DIS3L2: variants seen among roughly 807,000 people sequenced by gnomAD.
DIS3L2 encodes DIS3 like 3'-5' exoribonuclease 2.
DIS3L2 carries 34 observed loss-of-function variants against 97.5 expected under a neutral mutation model. That is an observed-to-expected ratio of 0.35 (90% CI 0.27 to 0.46). The LOEUF is 0.46. DIS3L2 is among the 20% of genes least tolerant of loss of function. The pLI is 1.00. For missense variants in DIS3L2, 1,038 were observed against 1,146.0 expected (o/e 0.91, Z 1.36); for synonymous variants, 435 against 445.2 (o/e 0.98, Z 0.29).
intron 6 of DIS3L2, among the ~76,000 whole-genome samples, chr2:232,095,067 G>T (rs555588299): frequency 6.6e-6 from 1 of 152,030 alleles, no homozygotes; most frequent in Non-Finnish European, 1.5e-5. Flanking sequence ...TGTGTTTCTG[G>T]TAGGCAGCAG....
At chr2:232,168,002 T>C (rs913268213) in intron 9 of DIS3L2, among the ~76,000 whole-genome samples, 5 of 152,080 alleles carry the variant, frequency 3.3e-5, no homozygotes, top group African/African-American at 1.2e-4. Context: ...GAGCCGAGAT[T>C]GTGCCACTGA....
At chr2:232,224,027 C>T (rs889516524) in intron 10 of DIS3L2, among the ~76,000 whole-genome samples, 3 of 152,158 alleles carry the variant, frequency 2.0e-5, no homozygotes, top group Non-Finnish European at 2.9e-5. Context: ...GATGTCAAGG[C>T]TGCGGTGAGC....
intron 6 of DIS3L2, among the ~76,000 whole-genome samples, chr2:232,106,127 C>T (rs1053353758): frequency 6.6e-6 from 1 of 152,100 alleles, no homozygotes; most frequent in African/African-American, 2.4e-5. Flanking sequence ...TGTTACTTTC[C>T]AGATCAGTCC....
intron 1 of DIS3L2, among the ~76,000 whole-genome samples, chr2:232,004,266 T>G (rs946414092): frequency 6.6e-6 from 1 of 152,084 alleles, no homozygotes; most frequent in Non-Finnish European, 1.5e-5. Context: ...AAAGACGGGG[T>G]TTCACCATGT....
In DIS3L2 at chr2:232,270,418, T is replaced by C. The variant is rs76335112; in HGVS notation, c.1659+6978T>C. On this transcript the variant is annotated intron_variant, in intron 13 of 20. Coordinates refer to ENST00000325385, the MANE Select transcript of DIS3L2 (RefSeq NM_152383.5). ...ATATGTATAGTTTTTATTTATATTCTGCTCTTAAATATTACCTAATGAGTT... is the reference window on the plus strand; with the variant it reads ...ATATGTATAGTTTTTATTTATATTCCGCTCTTAAATATTACCTAATGAGTT... Among the ~76,000 whole-genome samples, 1,032 of 152,324 alleles carry C rather than the reference T, an allele frequency of 6.8e-3. 17 individuals carry two copies. Among genetic ancestry groups the C allele is most frequent in the African/African-American group, 0.023 (972 of 41,560 alleles).
At chr2:232,334,898 G>T in intron 19 of DIS3L2, 163 bp downstream of exon 19, 1 of 619,838 alleles carries the variant, frequency 1.6e-6, no homozygotes, top group Non-Finnish European at 2.8e-6. Context: ...TCCCACCTGG[G>T]ATGGTGGCTC....
chr2:232,270,096 T>G (rs770076313), intron 13 of DIS3L2, among the ~76,000 whole-genome samples: 2 of 152,066 alleles, frequency 1.3e-5, no homozygotes, highest in Non-Finnish European at 2.9e-5. Context: ...GTTTCCAGTT[T>G]AGGCACATGG....
intron 10 of DIS3L2, among the ~76,000 whole-genome samples, chr2:232,222,283 A>G (rs1692527215): frequency 6.6e-6 from 1 of 151,896 alleles, no homozygotes; most frequent in Non-Finnish European, 1.5e-5. Context: ...AATGCTGAAT[A>G]TTTTCCTCTT....
chr2:232,290,462 T>C (rs912870618), intron 13 of DIS3L2, among the ~76,000 whole-genome samples: 1 of 152,124 alleles, frequency 6.6e-6, no homozygotes, highest in Non-Finnish European at 1.5e-5. Flanking sequence ...TCTCCTGCCA[T>C]AGACGTGCTG....
At chr2:232,074,617 T>C (rs891422831) in intron 5 of DIS3L2, among the ~76,000 whole-genome samples, 12 of 150,756 alleles carry the variant, frequency 8.0e-5, no homozygotes, top group Non-Finnish European at 1.2e-4. Context: ...TCTCGCTCTG[T>C]TACCCAGGTT....
intron 10 of DIS3L2, among the ~76,000 whole-genome samples, chr2:232,222,485 T>G (rs1302081947): frequency 6.6e-6 from 1 of 152,182 alleles, no homozygotes; most frequent in Non-Finnish European, 1.5e-5. Context: ...CAATTTTTTT[T>G]TTTAAGACTG....
rs1694984875 is a variant in DIS3L2 at position 232,037,573 on chromosome 2, A to G, written c.366+7493A>G. On this transcript the variant is annotated intron_variant, in intron 5 of 20. Coordinates refer to ENST00000325385, the MANE Select transcript of DIS3L2 (RefSeq NM_152383.5). The surrounding 1 kb of genome is among the most constrained non-coding windows in gnomAD (Gnocchi z 4.6). Reference sequence around the variant, plus strand: ...CTCTCTCACTGGTATACCAGGAGTCACTGGGGTACGAAAAAAAACTCCTGC... The same window carrying G: ...CTCTCTCACTGGTATACCAGGAGTCGCTGGGGTACGAAAAAAAACTCCTGC... 6.6e-6 allele frequency among the ~76,000 whole-genome samples: 1 copy of G among 151,942 alleles called. No homozygotes were observed. The highest frequency in any genetic ancestry group is 1.9e-4 in the East Asian group (1 of 5,194).
In DIS3L2 at chr2:232,212,455, C is replaced by T. The variant is rs79062121; in HGVS notation, c.1204+2050C>T. Among the ~76,000 whole-genome samples, 646 of 152,310 alleles carry T rather than the reference C, an allele frequency of 4.2e-3. 1 individual carries two copies. The highest frequency in any genetic ancestry group is 7.7e-3 in the Non-Finnish European group (526 of 68,026). ...TGGAACCCTGCACCTTGCAGGGTCT[C>T]CAGGGAGCAGGCACATGTCCTGCCG... On this transcript the variant is annotated intron_variant, in intron 10 of 20. Transcript: ENST00000325385.
intron 13 of DIS3L2, among the ~76,000 whole-genome samples, chr2:232,342,649 A>G (rs1195360910): frequency 6.6e-6 from 1 of 152,240 alleles, no homozygotes; most frequent in Non-Finnish European, 1.5e-5. Context: ...TAAAATTCCT[A>G]CTGACACGCA....
intron 10 of DIS3L2, 47 bp from the exon 11 acceptor site, chr2:232,238,486 C>A: frequency 1.3e-6 from 2 of 1,507,112 alleles, no homozygotes; most frequent in Non-Finnish European, 1.8e-6. Context: ...GGAGAGAATG[C>A]TGTGGCCTTC....
At chr2:232,076,472 G>C (rs2106292946) in intron 5 of DIS3L2, among the ~76,000 whole-genome samples, 1 of 152,240 alleles carries the variant, frequency 6.6e-6, no homozygotes, top group South Asian at 2.1e-4. Flanking sequence ...TTGCCCATCT[G>C]TGGGTTTGTA....
At chr2:232,054,977 T>G (rs1459334897) in intron 5 of DIS3L2, among the ~76,000 whole-genome samples, 1 of 152,194 alleles carries the variant, frequency 6.6e-6, no homozygotes, top group East Asian at 1.9e-4. Context: ...ATAAGGTAAT[T>G]CATCACGTTA....
intron 5 of DIS3L2, among the ~76,000 whole-genome samples, chr2:232,032,227 T>G (rs1022818275): frequency 6.6e-6 from 1 of 152,266 alleles, no homozygotes; most frequent in African/African-American, 2.4e-5. Flanking sequence ...TAATATCTCA[T>G]TGTGGTTTTG....
intron 1 of DIS3L2, among the ~76,000 whole-genome samples, chr2:232,004,418 C>T (rs985308677): frequency 6.6e-6 from 1 of 151,978 alleles, no homozygotes; most frequent in African/African-American, 2.4e-5. Flanking sequence ...GTCCATAATA[C>T]TTTATGTTTT....
Sources: gnomAD v4.1 joint callset for allele counts (sites outside exome capture counted in the v4.1 genomes callset) on GRCh38, gnomAD v4.1.1 for gene constraint, Gnocchi (gnomAD v3.1) non-coding constraint, MANE v1.5 for transcripts, NCBI Gene and HGNC (gene_info 2026-07-23, HGNC 2026-07-21) for gene names.